The following NSMF variants were observed in gnomAD, a reference collection of about 807,000 sequenced individuals.
The protein encoded by NSMF is NMDA receptor synaptonuclear signaling and neuronal migration factor, also known as nasal embryonic LHRH factor.
NSMF carries 31 observed loss-of-function variants against 71.0 expected under a neutral mutation model. That is an observed-to-expected ratio of 0.44 (90% CI 0.33 to 0.59). The LOEUF (loss-of-function observed/expected upper bound fraction) is 0.59. NSMF is among the 20% of genes least tolerant of loss of function. The pLI is 0.04. For synonymous variants in NSMF, 345 were observed against 287.1 expected (o/e 1.20, Z -2.04); for missense variants, 673 against 740.5 (o/e 0.91, Z 1.06).
At chr9:137,450,320 A>G in intron 12 of NSMF, 65 bp from the exon 13 acceptor site, 1 of 1,336,044 alleles carries the variant, frequency 7.5e-7, no homozygotes, top group Non-Finnish European at 1.1e-6. Flanking sequence ...ACATGCACCC[A>G]CGCACATGCG....
chr9:137,449,836 A>C, intron 14 of NSMF, 87 bp downstream of exon 14: 5 of 1,386,542 alleles, frequency 3.6e-6, no homozygotes, highest in Non-Finnish European at 5.1e-6. Context: ...AAGGAAAAAA[A>C]ATGCCAGGAA....
Position 137,449,355 on chromosome 9 carries a change from G to A in NSMF, c.*39C>T, listed in dbSNP as rs1377724128. The A allele has an allele frequency of 1.3e-6, 2 of 1,548,338 alleles. No individual in the cohort carries two copies. Among genetic ancestry groups the A allele is most frequent in the Non-Finnish European group, 1.8e-6 (2 of 1,122,676 alleles). ...CCCAGCCCCAGGTCCCGGTGCAGAG[G>A]GAGTGGCCTGATGGTGACTGGGCGG... is the stretch of plus-strand genomic sequence containing the variant. On this transcript the variant is annotated 3_prime_UTR_variant, in exon 16 of 16. Coordinates refer to ENST00000371475, the MANE Select transcript of NSMF (RefSeq NM_001130969.3).
Position 137,449,165 on chromosome 9 carries a change from C to T in NSMF, c.*229G>A, listed in dbSNP as rs1012159299. On this transcript the variant is annotated 3_prime_UTR_variant, in exon 16 of 16. Coordinates refer to ENST00000371475, the MANE Select transcript of NSMF (RefSeq NM_001130969.3). ...TCAGTGCCTGGCCGCTGAGCATCCA[C>T]GGGCCACAGGGCGGGATCCTCCCGG... is the stretch of plus-strand genomic sequence containing the variant. The T allele has an allele frequency of 1.7e-5, 10 of 593,230 alleles. No individual in the cohort carries two copies. Among genetic ancestry groups the T allele is most frequent in the African/African-American group, 9.3e-5 (5 of 53,760 alleles). The allele number at this position is 593,230 out of a possible 1,614,324, so 36.7% of individuals were successfully genotyped here.
intron 2 of NSMF, among the ~76,000 whole-genome samples, 162 bp from the exon 3 acceptor site, chr9:137,458,063 C>T (rs917417133): frequency 2.0e-5 from 3 of 152,220 alleles, no homozygotes; most frequent in Admixed American, 6.5e-5. Context: ...CCCCTCACTC[C>T]TATCTGGGCC....
intron 4 of NSMF, 77 bp downstream of exon 4, chr9:137,456,334 T>G: frequency 8.3e-7 from 1 of 1,203,932 alleles, no homozygotes; most frequent in Non-Finnish European, 1.2e-6. Flanking sequence ...GCCCAGAGAC[T>G]GGGAAAAAGT....
Position 137,452,410 on chromosome 9 carries a change from G to C in NSMF, c.1191C>G (p.Val397=). The part of the protein sequence containing the change: ...ILEEIERKLN[V]YHKGAKIWKM... ...TCCAGATCTTGGCTCCCTTGTGGTAGACGTTCAGCTTCCTCTCTATCTCCT... is the reference window on the plus strand; with the variant it reads ...TCCAGATCTTGGCTCCCTTGTGGTACACGTTCAGCTTCCTCTCTATCTCCT... The change falls in exon 12 of 16, where the codon GTC becomes GTG. Residue 397 remains valine (V), a synonymous_variant. Transcript: ENST00000371475. The C allele has an allele frequency of 6.2e-7, 1 of 1,612,542 alleles. No individual in the cohort carries two copies. Among genetic ancestry groups the C allele is most frequent in the Non-Finnish European group, 8.5e-7 (1 of 1,179,884 alleles).
intron 3 of NSMF, among the ~76,000 whole-genome samples, 183 bp downstream of exon 3, chr9:137,457,224 G>T (rs1830879727): frequency 6.6e-6 from 1 of 152,178 alleles, no homozygotes; most frequent in African/African-American, 2.4e-5. Context: ...AGCTGAGGGA[G>T]CTCACAGCTC....
intron 5 of NSMF, 75 bp downstream of exon 5, chr9:137,455,552 CAA>C: frequency 6.6e-7 from 1 of 1,511,132 alleles, no homozygotes; most frequent in Non-Finnish European, 9.0e-7. Context: ...CTGGCCTGCC[CAA>C]ACCTATTTGG....
Position 137,452,216 on chromosome 9 carries a change from C to T in NSMF, c.1236+149G>A, listed in dbSNP as rs1588498323. ...GGTCTCCACCCCCACGCCTCTTCCC[C>T]TTGGTCTCCCCCACAAACACCTCTT... On this transcript the variant is annotated intron_variant, in intron 12 of 15. Coordinates refer to ENST00000371475, the MANE Select transcript of NSMF (RefSeq NM_001130969.3). The T allele has an allele frequency of 2.4e-5, 17 of 702,420 alleles. No homozygotes were observed. In the East Asian group the frequency reaches 4.6e-4, roughly 19 times the overall value. 43.5% of individuals were successfully genotyped at this position (702,420 alleles called of 1,614,324 possible).
In NSMF at chr9:137,459,126, C is replaced by A; in HGVS notation, c.-24G>T. The A allele has an allele frequency of 1.8e-6, 2 of 1,109,548 alleles. No individual in the cohort carries two copies. The highest frequency in any genetic ancestry group is 3.9e-5 in the South Asian group (1 of 25,386). The allele number at this position is 1,109,548 out of a possible 1,614,324, so 68.7% of individuals were successfully genotyped here. On this transcript the variant is annotated 5_prime_UTR_variant, in exon 1 of 16. Coordinates refer to ENST00000371475, the MANE Select transcript of NSMF (RefSeq NM_001130969.3). Reference sequence around the variant, plus strand: ...ATGGTCGAGGCGGCGGCGCATCCCCCGGGCCTCAGAGCGCGCCCCGCGCCC... The same window carrying A: ...ATGGTCGAGGCGGCGGCGCATCCCCAGGGCCTCAGAGCGCGCCCCGCGCCC...
chr9:137,458,470 G>T lies in NSMF; in HGVS notation c.133+18C>A, dbSNP rs749914565. The T allele has an allele frequency of 2.5e-6, 4 of 1,569,704 alleles. No homozygotes were observed. In the South Asian group the frequency reaches 4.6e-5, roughly 18 times the overall value. On this transcript the variant is annotated intron_variant, in intron 2 of 15. Transcript: ENST00000371475. ...TGGGGGGTCTGGGCGGCCCTGGCAC[G>T]GCCTCGCGTGCCCCTACCTGCGCCG...
rs1839804542 is a variant in NSMF, at chr9:137,449,632, T to C, written c.1462A>G (p.Thr488Ala). 1 of 1,612,466 alleles carries C rather than the reference T, an allele frequency of 6.2e-7. No homozygotes were observed. The change falls in exon 15 of 16, where the codon ACC becomes GCC. Residue 488 changes from threonine (T) to alanine (A), a missense_variant. Around this residue, in one of 2 missense-constraint regions of NSMF, gnomAD observed 202 missense variants for 280.8 expected, o/e 0.72. Coordinates refer to ENST00000371475, the MANE Select transcript of NSMF (RefSeq NM_001130969.3). ...GAGAGCTCCAGGGGTGACTCGAAGGTGACCCTATAAGGAGTCATGAGGGTC... is the reference window on the plus strand; with the variant it reads ...GAGAGCTCCAGGGGTGACTCGAAGGCGACCCTATAAGGAGTCATGAGGGTC... ...LRTLMTPYRV[T>A]FESPLELSAQ... is the part of the protein sequence containing the mutation.
At chr9:137,449,541 C>A in intron 15 of NSMF, 50 bp from the exon 16 acceptor site, 1 of 1,610,006 alleles carries the variant, frequency 6.2e-7, no homozygotes, top group South Asian at 1.1e-5. Context: ...CCTGGGGATC[C>A]CACCCCACCG....
rs773936015 is a variant in NSMF at position 137,453,791 on chromosome 9, T to C, written c.862A>G (p.Ser288Gly). 6 of 1,597,980 alleles carry C rather than the reference T, an allele frequency of 3.8e-6. No individual in the cohort carries two copies. In the East Asian group the frequency reaches 1.1e-4, roughly 30 times the overall value. ...GGGGTGGGGTCGCTCCAGGACCGGCTGAAGCTCCGCTCGCGCCGCTCAGCG... is the reference window on the plus strand; with the variant it reads ...GGGGTGGGGTCGCTCCAGGACCGGCCGAAGCTCCGCTCGCGCCGCTCAGCG... ...TFAERRERSF[S>G]RSWSDPTPMK... Residue 288 changes from serine (S) to glycine (G), a missense_variant, in exon 8 of 16, where the codon AGC (serine) becomes GGC (glycine). Around this residue, in one of 2 missense-constraint regions of NSMF, gnomAD observed 471 missense variants for 459.6 expected, o/e 1.02. Coordinates refer to ENST00000371475, the MANE Select transcript of NSMF (RefSeq NM_001130969.3). This position sits in a 1 kb window ranked among gnomAD's most constrained non-coding sequence, Gnocchi z 4.5.
In NSMF at chr9:137,449,166, G is replaced by C; in HGVS notation, c.*228C>G. 3.4e-6 allele frequency: 2 copies of C among 591,160 alleles called. No individual in the cohort carries two copies. The highest frequency in any genetic ancestry group is 2.8e-5 in the East Asian group (1 of 35,584). 36.6% of individuals were successfully genotyped at this position (591,160 alleles called of 1,614,324 possible). A position where few individuals can be genotyped will look rare whatever the true frequency, so the allele number is the denominator to read the frequency against. On this transcript the variant is annotated 3_prime_UTR_variant, in exon 16 of 16. Transcript: ENST00000371475. ...CAGTGCCTGGCCGCTGAGCATCCACGGGCCACAGGGCGGGATCCTCCCGGC... is the reference window on the plus strand; with the variant it reads ...CAGTGCCTGGCCGCTGAGCATCCACCGGCCACAGGGCGGGATCCTCCCGGC...
Position 137,453,078 on chromosome 9 carries a change from C to A in NSMF, c.1025G>T (p.Gly342Val), listed in dbSNP as rs773769629. ...CACCATGACCTTTGGTGGCACGAAG[C>A]CTTCGGTGTCGCAGGCCACAGCCTC... Reference protein sequence around the residue: ...GLEAVACDTEGFVPPKVMLIS... With the variant: ...GLEAVACDTEVFVPPKVMLIS... The change falls in exon 9 of 16, where the codon GGC becomes GTC. Residue 342 changes from glycine (G) to valine (V), a missense_variant. Physicochemically the swap from Gly to Val is moderately radical, Grantham distance 109 (BLOSUM62 -3). This residue lies in a region of NSMF where 202 missense variants were observed against 280.8 expected (regional missense o/e 0.72). Transcript: ENST00000371475. This position sits in a 1 kb window ranked among gnomAD's most constrained non-coding sequence, Gnocchi z 4.5. The A allele has an allele frequency of 2.2e-5, 35 of 1,612,508 alleles. No homozygotes were observed. Among genetic ancestry groups the A allele is most frequent in the Non-Finnish European group, 2.9e-5 (34 of 1,179,914 alleles).
At position 137,455,714 on chromosome 9, in the gene NSMF, C is replaced by T. The variant is rs140548058; in HGVS notation, c.705-80G>A. On this transcript the variant is annotated intron_variant, in intron 4 of 15. Transcript: ENST00000371475. ...CCCGGGCCTCCCCTCAGCCCCCACCCGGTCCCTACAGTTCCCTTCTTGTCA... is the reference window on the plus strand; with the variant it reads ...CCCGGGCCTCCCCTCAGCCCCCACCTGGTCCCTACAGTTCCCTTCTTGTCA... 1.4e-5 allele frequency: 21 copies of T among 1,477,122 alleles called. No homozygotes were observed. The East Asian group carries it at 2.5e-4, about 17-fold the overall frequency. The allele number at this position is 1,477,122 out of a possible 1,614,324, so 91.5% of individuals were successfully genotyped here.
chr9:137,453,896 C>T lies in NSMF; in HGVS notation c.833-76G>A. ...AGTCTCAGACCCCAGGCGAGGGGAC[C>T]ACAGGGGCCCTGGGCAGAGGAGGAA... On this transcript the variant is annotated intron_variant, in intron 7 of 15. Coordinates refer to ENST00000371475, the MANE Select transcript of NSMF (RefSeq NM_001130969.3). This position sits in a 1 kb window ranked among gnomAD's most constrained non-coding sequence, Gnocchi z 4.5. 7.9e-7 allele frequency: 1 copy of T among 1,269,424 alleles called. No individual in the cohort carries two copies. Among genetic ancestry groups the T allele is most frequent in the Non-Finnish European group, 1.1e-6 (1 of 906,110 alleles). The allele number at this position is 1,269,424 out of a possible 1,614,324, so 78.6% of individuals were successfully genotyped here.
rs1444103455 is a variant in NSMF, at chr9:137,458,565, G to A, written c.72-16C>T. On this transcript the variant is annotated splice_polypyrimidine_tract_variant and intron_variant, in intron 1 of 15. Transcript: ENST00000371475. ...TCGGGCTGCTCTGAGGGTGGACAGA[G>A]GGCACGGTCAGAGGCCACGGCACGA... The A allele has an allele frequency of 1.3e-6, 2 of 1,586,816 alleles. No individual in the cohort carries two copies. Among genetic ancestry groups the A allele is most frequent in the Non-Finnish European group, 1.7e-6 (2 of 1,168,902 alleles).
Sources: gnomAD v4.1 joint callset for allele counts (sites outside exome capture counted in the v4.1 genomes callset) on GRCh38, gnomAD v4.1.1 for gene constraint, gnomAD v4.1.1 regional missense constraint, Gnocchi (gnomAD v3.1) non-coding constraint, MANE v1.5 for transcripts, NCBI Gene and HGNC (gene_info 2026-07-23, HGNC 2026-07-21) for gene names.